Variants in TRIM2 observed in about 807,000 individuals in gnomAD.
TRIM2 encodes the protein tripartite motif-containing protein 2.
Under a neutral mutation model 75.2 loss-of-function variants are expected in TRIM2, and 20 were observed. The ratio of observed to expected loss-of-function variants is 0.27; its 90% confidence interval spans 0.19 to 0.39. The LOEUF (loss-of-function observed/expected upper bound fraction) is 0.39. Among genes scored for constraint, TRIM2 ranks in the 10% least tolerant of loss-of-function variants. TRIM2 has a pLI of 1.00. For missense variants in TRIM2, 660 were observed against 990.8 expected, an observed-to-expected ratio of 0.67 and a Z score of 4.48; for synonymous variants, 373 against 388.3, an observed-to-expected ratio of 0.96 and a Z score of 0.46.
At chr4:153,289,800 C>T (rs1272553042) in intron 3 of TRIM2, among the ~76,000 whole-genome samples, 2 of 152,200 alleles carry the variant, frequency 1.3e-5, no homozygotes. Context: ...AACTCAGTCC[C>T]AGGCTAGATT....
chr4:153,168,271 C>T (rs1052506056), intron 1 of TRIM2, among the ~76,000 whole-genome samples: 1 of 152,026 alleles, frequency 6.6e-6, no homozygotes, highest in Non-Finnish European at 1.5e-5. Flanking sequence ...GGAAAGTTAT[C>T]CATGATATAT....
At chr4:153,316,652 T>C (rs1231935768) in intron 8 of TRIM2, among the ~76,000 whole-genome samples, 1 of 152,154 alleles carries the variant, frequency 6.6e-6, no homozygotes, top group Non-Finnish European at 1.5e-5. Context: ...TTGTTTGATA[T>C]ATTTGCTATC....
At chr4:153,232,106 G>T (rs920729281) in intron 1 of TRIM2, among the ~76,000 whole-genome samples, 1 of 152,152 alleles carries the variant, frequency 6.6e-6, no homozygotes, top group Admixed American at 6.5e-5. Flanking sequence ...TAGGATAAAA[G>T]ATACTCAACT....
At chr4:153,300,210 G>A (rs1028031570) in intron 6 of TRIM2, among the ~76,000 whole-genome samples, 3 of 152,062 alleles carry the variant, frequency 2.0e-5, no homozygotes, top group Non-Finnish European at 4.4e-5. Context: ...ACCAACCTGT[G>A]CCAGGGTTCA....
chr4:153,240,735 T>C (rs1022238416), intron 1 of TRIM2, among the ~76,000 whole-genome samples: 4 of 152,354 alleles, frequency 2.6e-5, no homozygotes, highest in Non-Finnish European at 5.9e-5. Flanking sequence ...AAATATATTA[T>C]AAAGCATACC....
chr4:153,172,415 C>T (rs58888627), intron 1 of TRIM2, among the ~76,000 whole-genome samples: 59,954 of 151,930 alleles, frequency 0.39, 12,424 homozygotes, highest in South Asian at 0.5. Flanking sequence ...TCTCGATCTC[C>T]TGACCCCATG....
intron 1 of TRIM2, among the ~76,000 whole-genome samples, chr4:153,190,042 A>G (rs1412622464): frequency 6.6e-6 from 1 of 152,260 alleles, no homozygotes; most frequent in East Asian, 1.9e-4. Flanking sequence ...AGATGGGCAT[A>G]TAATAGAACC....
intron 10 of TRIM2, 41 bp from the exon 11 acceptor site, chr4:153,328,489 T>C (rs1238352583): frequency 1.3e-6 from 2 of 1,554,726 alleles, no homozygotes; most frequent in South Asian, 2.4e-5. Flanking sequence ...GGTTCAAGTA[T>C]TTTGATGTAA....
intron 1 of TRIM2, among the ~76,000 whole-genome samples, chr4:153,265,932 T>A (rs568399257): frequency 6.6e-6 from 1 of 152,258 alleles, no homozygotes; most frequent in African/African-American, 2.4e-5. Flanking sequence ...GACAGACAAG[T>A]CCATTCCTCC....
intron 1 of TRIM2, among the ~76,000 whole-genome samples, chr4:153,260,447 A>G (rs1753124404): frequency 6.6e-6 from 1 of 152,072 alleles, no homozygotes; most frequent in African/African-American, 2.4e-5. Context: ...TATACTAAAG[A>G]AAGAGGTAGG....
chr4:153,226,472 G>C (rs759191459), intron 1 of TRIM2, among the ~76,000 whole-genome samples: 1 of 152,160 alleles, frequency 6.6e-6, no homozygotes, highest in Non-Finnish European at 1.5e-5. Context: ...CTGGAACAAG[G>C]GCAATTTGTA....
At chr4:153,276,961 T>G (rs1758167575) in intron 3 of TRIM2, among the ~76,000 whole-genome samples, 1 of 152,272 alleles carries the variant, frequency 6.6e-6, no homozygotes, top group Admixed American at 6.5e-5. Context: ...CATTTTTTCA[T>G]TAATTACTTT....
intron 1 of TRIM2, among the ~76,000 whole-genome samples, chr4:153,267,512 C>T (rs554033512): frequency 5.7e-4 from 86 of 151,990 alleles, no homozygotes; most frequent in Non-Finnish European, 1.0e-3. Flanking sequence ...ATTAGCCGGG[C>T]GTGGTGGCGG....
At chr4:153,154,316 C>T (rs1036578033) in intron 1 of TRIM2, among the ~76,000 whole-genome samples, 14 of 152,312 alleles carry the variant, frequency 9.2e-5, no homozygotes, top group African/African-American at 3.4e-4. Flanking sequence ...TGTCTGGCCT[C>T]CACGGTCAGG....
chr4:153,260,988 C>T (rs1159244717), intron 1 of TRIM2, among the ~76,000 whole-genome samples: 1 of 152,100 alleles, frequency 6.6e-6, no homozygotes, highest in Admixed American at 6.5e-5. Flanking sequence ...TAATTTATAC[C>T]ACATGTTCTG....
intron 8 of TRIM2, among the ~76,000 whole-genome samples, chr4:153,318,811 A>G (rs72729639): frequency 0.062 from 9,515 of 152,296 alleles, 417 homozygotes; most frequent in Middle Eastern, 0.13. Flanking sequence ...GTCTATCTGT[A>G]ATAGACACTC....
Position 153,181,916 on chromosome 4 carries a change from G to C in TRIM2, c.-49+28646G>C, listed in dbSNP as rs528147562. Among the ~76,000 whole-genome samples, 721 of 152,254 alleles carry C rather than the reference G, an allele frequency of 4.7e-3. 6 individuals are homozygous for C. The highest frequency in any genetic ancestry group is 8.5e-3 in the Non-Finnish European group (575 of 68,016). The stretch of plus-strand genomic sequence containing the variant: ...CAGAGGTTCCTACCCTGAGGGCCTG[G>C]CAATGGAACACTTTGCTTTTAGAAA... On this transcript the variant is annotated intron_variant, in intron 1 of 11. Transcript: ENST00000437508.
chr4:153,240,859 A>G (rs938744597), intron 1 of TRIM2, among the ~76,000 whole-genome samples: 1 of 152,200 alleles, frequency 6.6e-6, no homozygotes, highest in African/African-American at 2.4e-5. Flanking sequence ...CAGGCGGATC[A>G]CAAGGTCTGG....
intron 1 of TRIM2, among the ~76,000 whole-genome samples, chr4:153,227,353 C>A (rs1244311699): frequency 1.3e-5 from 2 of 152,158 alleles, no homozygotes; most frequent in Non-Finnish European, 2.9e-5. Context: ...GCCAAAATAA[C>A]CCATCATAGA....
Sources: gnomAD v4.1 joint callset for allele counts (sites outside exome capture counted in the v4.1 genomes callset) on GRCh38, gnomAD v4.1.1 for gene constraint, MANE v1.5 for transcripts, NCBI Gene and HGNC (gene_info 2026-07-23, HGNC 2026-07-21) for gene names.